The following RBFOX1 variants were observed in gnomAD, a reference collection of about 807,000 sequenced individuals.
RBFOX1 encodes RNA binding fox-1 homolog 1, also known as RNA binding protein fox-1 homolog 1.
In RBFOX1, 8 loss-of-function variants were observed where a neutral mutation model predicts 57.7. The ratio of observed to expected loss-of-function variants is 0.14; its 90% CI spans 0.08 to 0.25. The LOEUF is 0.25. Among genes scored for constraint, RBFOX1 ranks in the 10% least tolerant of loss-of-function variants. The pLI, the probability that RBFOX1 is intolerant of heterozygous loss-of-function variation, is 1.00. For synonymous variants in RBFOX1, 326 were observed against 222.4 expected, an observed-to-expected ratio of 1.47 and a Z score of -4.15; for missense variants, 611 against 548.5, an observed-to-expected ratio of 1.11 and a Z score of -1.14.
intron 2 of RBFOX1, among the ~76,000 whole-genome samples, chr16:6,395,697 TA>T (rs1448160967): frequency 6.6e-6 from 1 of 152,198 alleles, no homozygotes; most frequent in African/African-American, 2.4e-5. Context: ...ATACCATCTA[TA>T]TACTTATATA....
intron 3 of RBFOX1, among the ~76,000 whole-genome samples, chr16:7,003,458 TAAAAAA>T (rs71147633): frequency 7.0e-6 from 1 of 143,576 alleles, no homozygotes; most frequent in Non-Finnish European, 1.5e-5. Context: ...GACTCCATCT[TAAAAAA>T]AAAAAAAGAA....
intron 3 of RBFOX1, among the ~76,000 whole-genome samples, chr16:6,803,874 T>C (rs1325043144): frequency 1.3e-5 from 2 of 152,194 alleles, no homozygotes; most frequent in African/African-American, 4.8e-5. Context: ...AACCATGCTG[T>C]AAGCTGCAGA....
intron 3 of RBFOX1, among the ~76,000 whole-genome samples, chr16:6,919,599 C>T (rs541960600): frequency 6.6e-6 from 1 of 152,002 alleles, no homozygotes; most frequent in Admixed American, 6.6e-5. Context: ...TAAAGGAAAC[C>T]CTGGTATCTT....
intron 10 of RBFOX1, chr16:7,614,373 AT>A (rs1337855640): frequency 6.6e-6 from 1 of 151,822 alleles, no homozygotes; most frequent in African/African-American, 2.4e-5. Context: ...GTCTTATCAG[AT>A]TTTATTCCAG....
At chr16:5,924,976 A>C (rs2058911768) in intron 4 of RBFOX1, among the ~76,000 whole-genome samples, 1 of 152,140 alleles carries the variant, frequency 6.6e-6, no homozygotes, top group African/African-American at 2.4e-5. Flanking sequence ...GGACCTTCCT[A>C]TTCTTCCTTG....
chr16:7,073,247 G>C (rs2057686120), intron 4 of RBFOX1, among the ~76,000 whole-genome samples: 1 of 152,118 alleles, frequency 6.6e-6, no homozygotes, highest in Admixed American at 6.5e-5. Context: ...ATGTGACTGA[G>C]ACTATTTTAC....
chr16:5,581,090 C>T (rs917760818), intron 2 of RBFOX1, among the ~76,000 whole-genome samples: 5 of 152,150 alleles, frequency 3.3e-5, no homozygotes, highest in Admixed American at 2.6e-4. Flanking sequence ...CAAATATCCA[C>T]GTAGCCACCA....
intron 2 of RBFOX1, among the ~76,000 whole-genome samples, chr16:5,567,410 C>G (rs2046110640): frequency 6.6e-6 from 1 of 152,142 alleles, no homozygotes; most frequent in Non-Finnish European, 1.5e-5. Flanking sequence ...AGTCTGAACA[C>G]AGCCAATCTC....
chr16:7,190,943 T>G (rs1488842414), intron 4 of RBFOX1, among the ~76,000 whole-genome samples: 1 of 151,988 alleles, frequency 6.6e-6, no homozygotes, highest in Non-Finnish European at 1.5e-5. Flanking sequence ...TTTCCTGGAC[T>G]TCTCCCTAAT....
At position 6,417,707 on chromosome 16, in the gene RBFOX1, TAA is replaced by T. The variant is rs1555463885; in HGVS notation, c.-64+100663_-64+100664del. Among the ~76,000 whole-genome samples, 516 of 146,568 alleles carry T rather than the reference TAA, an allele frequency of 3.5e-3. 2 individuals carry two copies. The highest frequency in any genetic ancestry group is 7.2e-3 in the South Asian group (33 of 4,590). On this transcript the variant is annotated intron_variant, in intron 2 of 15. Transcript: ENST00000550418. ...GTCTGGCCTTAAACTCCTTTCTTTT[TAA>T]AAAAAAAAAAAATTAAGTTCAAGGG...
chr16:7,380,890 C>T (rs1019518293), intron 4 of RBFOX1, among the ~76,000 whole-genome samples: 3 of 152,180 alleles, frequency 2.0e-5, no homozygotes, highest in African/African-American at 7.2e-5. Context: ...TCAAGAATCG[C>T]AGGCTTTTTA....
At chr16:7,674,545 A>T (rs1187944228) in intron 13 of RBFOX1, among the ~76,000 whole-genome samples, 1 of 152,224 alleles carries the variant, frequency 6.6e-6, no homozygotes, top group African/African-American at 2.4e-5. Context: ...CCCTGGAATC[A>T]GGAATGCTCA....
At chr16:6,553,822 C>T (rs917387643) in intron 2 of RBFOX1, among the ~76,000 whole-genome samples, 9 of 152,210 alleles carry the variant, frequency 5.9e-5, no homozygotes, top group Non-Finnish European at 1.0e-4. Context: ...GACAGCAACC[C>T]GTGGATGGTG....
chr16:5,930,334 G>A (rs1301697437), intron 4 of RBFOX1, among the ~76,000 whole-genome samples: 4 of 138,600 alleles, frequency 2.9e-5, no homozygotes, highest in African/African-American at 1.1e-4. Flanking sequence ...TGGATGGGAG[G>A]TGGGAAGGTT....
chr16:7,652,139 A>T (rs972121560), intron 11 of RBFOX1, among the ~76,000 whole-genome samples: 4 of 152,012 alleles, frequency 2.6e-5, no homozygotes, highest in African/African-American at 9.7e-5. Context: ...ACTTAGTGAG[A>T]TGGGACAAGT....
At chr16:7,041,514 C>G (rs940560686) in intron 3 of RBFOX1, among the ~76,000 whole-genome samples, 5 of 152,096 alleles carry the variant, frequency 3.3e-5, no homozygotes, top group African/African-American at 7.2e-5. Flanking sequence ...TCCTTACTTC[C>G]TCATTCGCCG....
intron 4 of RBFOX1, among the ~76,000 whole-genome samples, chr16:7,484,936 T>C (rs1040208641): frequency 1.3e-4 from 20 of 152,200 alleles, no homozygotes; most frequent in African/African-American, 4.8e-4. Context: ...TCCCAACCCA[T>C]ATGCCCCAAG....
intron 2 of RBFOX1, among the ~76,000 whole-genome samples, chr16:5,525,110 C>T (rs912291981): frequency 6.6e-6 from 1 of 152,262 alleles, no homozygotes; most frequent in Admixed American, 6.5e-5. Flanking sequence ...CAGGTCTCCT[C>T]AGTAGATGTG....
chr16:5,913,250 T>C lies in RBFOX1; in HGVS notation c.351+45915T>C, dbSNP rs573432500. Among the ~76,000 whole-genome samples the C allele has an allele frequency of 2.4e-4, 36 of 152,354 alleles. No individual in the cohort carries two copies. In the Middle Eastern group the frequency reaches 0.01, roughly 43 times the overall value. On this transcript the variant is annotated intron_variant, in intron 4 of 19. Coordinates refer to the RBFOX1 transcript ENST00000641259. Reference sequence around the variant, plus strand: ...TCCCACGGTTATTTATTGGGACTTATGTATCTCCCCACCCCTACCATGTAT... The same window carrying C: ...TCCCACGGTTATTTATTGGGACTTACGTATCTCCCCACCCCTACCATGTAT...
Sources: allele counts gnomAD v4.1 joint callset (sites outside exome capture counted in the v4.1 genomes callset), GRCh38; gene constraint gnomAD v4.1.1; transcripts MANE v1.5; gene names NCBI Gene and HGNC (gene_info 2026-07-23, HGNC 2026-07-21).